The following VPS4B variants were observed in gnomAD, a reference collection of about 807,000 sequenced individuals.
VPS4B encodes vacuolar protein sorting-associated protein 4B.
VPS4B carries 23 observed loss-of-function variants against 56.1 expected under a neutral mutation model. The observed-to-expected ratio is 0.41, with a 90% CI of 0.30 to 0.58. The LOEUF is 0.58. Ranked by LOEUF, VPS4B falls within the 20% of genes least tolerant of loss-of-function variation. The probability of loss-of-function intolerance (pLI) is 0.29; values close to 1 mark genes in which losing one functional copy is unlikely to be tolerated. For missense variants in VPS4B, 372 were observed against 531.9 expected, an observed-to-expected ratio of 0.70 and a Z score of 2.96; for synonymous variants, 177 against 186.0, an observed-to-expected ratio of 0.95 and a Z score of 0.39.
chr18:63,415,702 C>CCCCCTCCAG (rs1916147812), intron 1 of VPS4B: 1 of 241,868 alleles, frequency 4.1e-6, no homozygotes, highest in Non-Finnish European at 9.0e-6. Context: ...CCTCCAGAAC[C>CCCCCTCCAG]CCCCTCCAGC....
In VPS4B at chr18:63,411,371, T is replaced by C. The variant is rs538469261; in HGVS notation, c.139+96A>G. 2.2e-4 allele frequency: 197 copies of C among 885,654 alleles called. No individual in the cohort carries two copies. In the African/African-American group the frequency reaches 3.2e-3, roughly 15 times the overall value. The allele number at this position is 885,654 out of a possible 1,614,324, so 54.9% of individuals were successfully genotyped here. A position where few individuals can be genotyped will look rare whatever the true frequency, so the allele number is the denominator to read the frequency against. ...TTTTTTTTTTAACAAATGGATCGTT[T>C]AGAATTGTCTGGCATTATATTTCAA... On this transcript the variant is annotated intron_variant, in intron 2 of 10. Transcript: ENST00000238497.
At chr18:63,415,715 C>T (rs1311824614) in intron 1 of VPS4B, 3 of 242,738 alleles carry the variant, frequency 1.2e-5, no homozygotes, top group South Asian at 1.3e-4. Context: ...CCTCCAGCTG[C>T]GAGGAGCTGA....
chr18:63,399,321 C>A lies in VPS4B; in HGVS notation c.793G>T (p.Val265Phe). ...AAAATTCCATCATTGTCTACACCAA[C>A]CCCTGCATTAAAATAGGTAATGCTT... is the stretch of plus-strand genomic sequence containing the variant. ...KTEFLVQMQGVGVDNDGILVL... is the reference protein window; with the variant it reads ...KTEFLVQMQGFGVDNDGILVL... Residue 265 changes from valine to phenylalanine, a missense_variant and splice_region_variant, in exon 8 of 11, where the codon GTT becomes TTT. Val to Phe is a conservative substitution (Grantham distance 50). Transcript: ENST00000238497. The A allele has an allele frequency of 8.7e-6, 14 of 1,613,534 alleles. No individual in the cohort carries two copies. Among genetic ancestry groups the A allele is most frequent in the Admixed American group, 1.7e-5 (1 of 59,986 alleles).
At chr18:63,414,761 C>T (rs1277871027) in intron 1 of VPS4B, among the ~76,000 whole-genome samples, 1 of 152,222 alleles carries the variant, frequency 6.6e-6, no homozygotes, top group Non-Finnish European at 1.5e-5. Flanking sequence ...CTTATCCTAA[C>T]TATAATTTTC....
chr18:63,401,073 G>A (rs1430638933), intron 5 of VPS4B, among the ~76,000 whole-genome samples: 3 of 152,190 alleles, frequency 2.0e-5, no homozygotes, highest in African/African-American at 7.2e-5. Context: ...TACACTGCTT[G>A]ATACCAGAAT....
At chr18:63,399,475 A>G in intron 7 of VPS4B, 152 bp from the exon 8 acceptor site, 1 of 648,776 alleles carries the variant, frequency 1.5e-6, no homozygotes, top group Non-Finnish European at 2.6e-6. Context: ...TTAATCAAAT[A>G]TCACCTTACG....
intron 9 of VPS4B, among the ~76,000 whole-genome samples, chr18:63,395,982 C>T (rs1257490403): frequency 6.6e-6 from 1 of 152,192 alleles, no homozygotes; most frequent in Non-Finnish European, 1.5e-5. Context: ...CTACATGTAC[C>T]TCTCTTGCTG....
intron 4 of VPS4B, among the ~76,000 whole-genome samples, chr18:63,405,406 T>C (rs775629355): frequency 6.6e-6 from 1 of 151,700 alleles, no homozygotes; most frequent in Non-Finnish European, 1.5e-5. Flanking sequence ...TAAAATACTG[T>C]TCAAAAAACA....
At chr18:63,406,688 G>A (rs557533292) in intron 4 of VPS4B, among the ~76,000 whole-genome samples, 41 of 152,316 alleles carry the variant, frequency 2.7e-4, no homozygotes, top group African/African-American at 9.4e-4. Context: ...CCTAGACTTC[G>A]TCAGATATAT....
chr18:63,402,816 C>T (rs773601547), intron 5 of VPS4B, among the ~76,000 whole-genome samples: 5 of 152,150 alleles, frequency 3.3e-5, no homozygotes, highest in African/African-American at 1.2e-4. Context: ...GCGGACAGTG[C>T]GTGGCCTACA....
At chr18:63,403,647 C>T in intron 5 of VPS4B, 60 bp downstream of exon 5, 1 of 1,504,708 alleles carries the variant, frequency 6.6e-7, no homozygotes, top group Non-Finnish European at 9.0e-7. Context: ...AATGCTTCAC[C>T]TCAGTCATCA....
At chr18:63,393,831 G>T (rs562139755) in intron 9 of VPS4B, among the ~76,000 whole-genome samples, 20 of 152,088 alleles carry the variant, frequency 1.3e-4, no homozygotes, top group African/African-American at 4.8e-4. Flanking sequence ...CCACCTCCTG[G>T]GTTCAAGGGA....
intron 8 of VPS4B, 51 bp downstream of exon 8, chr18:63,399,191 C>G (rs757396833): frequency 2.1e-6 from 3 of 1,463,292 alleles, no homozygotes; most frequent in African/African-American, 2.8e-5. Flanking sequence ...GAATTATCAT[C>G]TACTTGTTAC....
chr18:63,411,843 C>A (rs947019531), intron 1 of VPS4B, among the ~76,000 whole-genome samples: 5 of 151,956 alleles, frequency 3.3e-5, no homozygotes, highest in Non-Finnish European at 7.4e-5. Flanking sequence ...ACTTTAGTAC[C>A]AATCGCTAAC....
intron 1 of VPS4B, among the ~76,000 whole-genome samples, chr18:63,419,291 G>A (rs1229409290): frequency 1.3e-5 from 2 of 152,122 alleles, no homozygotes; most frequent in East Asian, 1.9e-4. Context: ...GTGCATGCCT[G>A]TAATCCCAGC....
In VPS4B at chr18:63,407,518, T is replaced by C; in HGVS notation, c.297-19A>G. ...GTCATTCCTAATAAAAAGAATTTAATATATTCAAATGATCACTCATTGCTA... is the reference window on the plus strand; with the variant it reads ...GTCATTCCTAATAAAAAGAATTTAACATATTCAAATGATCACTCATTGCTA... On this transcript the variant is annotated intron_variant, in intron 3 of 10. Coordinates refer to ENST00000238497, the MANE Select transcript of VPS4B (RefSeq NM_004869.4). 1 of 1,577,422 alleles carries C rather than the reference T, an allele frequency of 6.3e-7. No individual in the cohort carries two copies. The highest frequency in any genetic ancestry group is 8.6e-7 in the Non-Finnish European group (1 of 1,159,472).
At chr18:63,407,291 C>G in intron 4 of VPS4B, 141 bp downstream of exon 4, 1 of 711,142 alleles carries the variant, frequency 1.4e-6, no homozygotes, top group Non-Finnish European at 2.3e-6. Flanking sequence ...CTAAACAAAG[C>G]CAGCACATGA....
intron 4 of VPS4B, among the ~76,000 whole-genome samples, chr18:63,407,062 G>A (rs189193857): frequency 1.3e-5 from 2 of 152,326 alleles, no homozygotes; most frequent in Admixed American, 6.5e-5. Flanking sequence ...TAAAAGCCAC[G>A]TGTAAGTCCT....
At chr18:63,401,402 C>T (rs879910648) in intron 5 of VPS4B, among the ~76,000 whole-genome samples, 14 of 152,070 alleles carry the variant, frequency 9.2e-5, no homozygotes, top group Non-Finnish European at 1.6e-4. Flanking sequence ...TTATAGGTGC[C>T]CGCCATTACG....
Sources: allele counts gnomAD v4.1 joint callset (sites outside exome capture counted in the v4.1 genomes callset), GRCh38; gene constraint gnomAD v4.1.1; transcripts MANE v1.5; gene names NCBI Gene and HGNC (gene_info 2026-07-23, HGNC 2026-07-21).